Variants in PLPP4 observed in about 807,000 individuals in gnomAD.
PLPP4 encodes phospholipid phosphatase 4.
A neutral mutation model predicts 32.2 loss-of-function variants in PLPP4; 20 were observed. That is an observed-to-expected ratio of 0.62 (90% CI 0.44 to 0.90). The LOEUF is 0.90. PLPP4 is among the 40% of genes least tolerant of loss of function. The probability of loss-of-function intolerance (pLI) is 0.00; values close to 1 mark genes in which losing one functional copy is unlikely to be tolerated. For synonymous variants in PLPP4, 127 were observed against 133.0 expected (o/e 0.95, Z 0.31); for missense variants, 257 against 353.1 (o/e 0.73, Z 2.18).
chr10:120,488,690 A>C (rs1844571974), intron 1 of PLPP4, among the ~76,000 whole-genome samples: 1 of 152,150 alleles, frequency 6.6e-6, no homozygotes, highest in Admixed American at 6.5e-5. Context: ...ATCCCACACT[A>C]CTTGGGCAGG....
chr10:120,558,122 T>TA (rs1848243719), intron 5 of PLPP4, among the ~76,000 whole-genome samples: 1 of 151,688 alleles, frequency 6.6e-6, no homozygotes. Flanking sequence ...TTAGAAATCC[T>TA]ACATTACCCT....
At chr10:120,571,733 C>T (rs1848950085) in intron 5 of PLPP4, among the ~76,000 whole-genome samples, 1 of 152,076 alleles carries the variant, frequency 6.6e-6, no homozygotes, top group Non-Finnish European at 1.5e-5. Flanking sequence ...TGAAATCATA[C>T]TAATTCAGTA....
intron 1 of PLPP4, among the ~76,000 whole-genome samples, chr10:120,499,712 A>G (rs1180444681): frequency 1.3e-5 from 2 of 152,112 alleles, no homozygotes; most frequent in Non-Finnish European, 2.9e-5. Flanking sequence ...CTGTCTCTGT[A>G]TCTGCAGTCA....
At chr10:120,529,263 G>A (rs1378277177) in intron 5 of PLPP4, among the ~76,000 whole-genome samples, 1 of 152,080 alleles carries the variant, frequency 6.6e-6, no homozygotes, top group Non-Finnish European at 1.5e-5. Flanking sequence ...GGATGCTGCT[G>A]AATATCCTGC....
intron 6 of PLPP4, among the ~76,000 whole-genome samples, chr10:120,577,674 C>T (rs1849282798): frequency 1.3e-5 from 2 of 152,222 alleles, no homozygotes; most frequent in Non-Finnish European, 2.9e-5. Context: ...ACAAAAACTG[C>T]GTCATGGTAG....
chr10:120,463,679 T>C (rs1848179536), intron 1 of PLPP4, among the ~76,000 whole-genome samples: 1 of 152,128 alleles, frequency 6.6e-6, no homozygotes, highest in East Asian at 1.9e-4. Flanking sequence ...AGGGCTTAAA[T>C]CCTATTTTGT....
At chr10:120,483,976 C>A (rs1844328727) in intron 1 of PLPP4, among the ~76,000 whole-genome samples, 1 of 152,172 alleles carries the variant, frequency 6.6e-6, no homozygotes, top group Non-Finnish European at 1.5e-5. Context: ...TCTATAGCAA[C>A]ACAAAATGGA....
intron 5 of PLPP4, among the ~76,000 whole-genome samples, chr10:120,538,284 T>C (rs1847157882): frequency 6.6e-6 from 1 of 151,064 alleles, no homozygotes; most frequent in South Asian, 2.1e-4. Flanking sequence ...GCAAACTCAT[T>C]TGAACATTAG....
rs113034604 is a variant in PLPP4 at position 120,590,666 on chromosome 10, G to A, written c.*1164G>A. ...CCAGCTAGTTTTTTCAAGGCAAGGA[G>A]CATCCCCTTCATCCAATTCTGATTG... is the stretch of plus-strand genomic sequence containing the variant. On this transcript the variant is annotated 3_prime_UTR_variant, in exon 7 of 7. Coordinates refer to ENST00000398250, the MANE Select transcript of PLPP4 (RefSeq NM_001030059.3). Among the ~76,000 whole-genome samples, 31 of 152,192 alleles carry A rather than the reference G, an allele frequency of 2.0e-4. No individual in the cohort carries two copies. The highest frequency in any genetic ancestry group is 7.2e-4 in the African/African-American group (30 of 41,522).
chr10:120,575,347 C>T, intron 6 of PLPP4, 46 bp downstream of exon 6: 1 of 1,583,428 alleles, frequency 6.3e-7, no homozygotes, highest in Non-Finnish European at 8.6e-7. Context: ...GTGGTTGCCC[C>T]TCTCCTCCAG....
At chr10:120,511,739 A>G (rs1220583241) in intron 2 of PLPP4, among the ~76,000 whole-genome samples, 2 of 152,244 alleles carry the variant, frequency 1.3e-5, no homozygotes, top group East Asian at 1.9e-4. Context: ...TGCATGAGAC[A>G]AAAGTCTAAG....
chr10:120,519,464 C>T (rs1846064687), intron 4 of PLPP4, among the ~76,000 whole-genome samples: 1 of 151,442 alleles, frequency 6.6e-6, no homozygotes, highest in South Asian at 2.1e-4. Flanking sequence ...CACTAGATCC[C>T]CTCTCAGAAC....
At chr10:120,475,300 T>C (rs2133803275) in intron 1 of PLPP4, among the ~76,000 whole-genome samples, 1 of 152,212 alleles carries the variant, frequency 6.6e-6, no homozygotes, top group African/African-American at 2.4e-5. Context: ...CAGAGCCTCC[T>C]TGTTGCTCAG....
At chr10:120,500,049 G>A (rs1845167797) in intron 1 of PLPP4, among the ~76,000 whole-genome samples, 1 of 152,226 alleles carries the variant, frequency 6.6e-6, no homozygotes, top group African/African-American at 2.4e-5. Flanking sequence ...ACAGACGCCA[G>A]TGGCTGGAGC....
Position 120,588,203 on chromosome 10 carries a change from A to G in PLPP4, c.617-1100A>G, listed in dbSNP as rs142241167. On this transcript the variant is annotated intron_variant, in intron 6 of 6. Transcript: ENST00000398250. ...AGAATCTTTTCAGCAAAAATAACCC[A>G]TAGACAGTTAAAGTGAACACACACA... Among the ~76,000 whole-genome samples the G allele has an allele frequency of 1.4e-3, 219 of 152,380 alleles. 1 individual carries two copies. Among genetic ancestry groups the G allele is most frequent in the Non-Finnish European group, 2.4e-3 (165 of 68,042 alleles).
intron 1 of PLPP4, among the ~76,000 whole-genome samples, chr10:120,483,388 C>T (rs969692595): frequency 6.6e-6 from 1 of 152,166 alleles, no homozygotes; most frequent in Non-Finnish European, 1.5e-5. Context: ...CCTATTAGTT[C>T]TGTTCCTCTA....
chr10:120,511,366 T>G (rs1845720765), intron 2 of PLPP4, among the ~76,000 whole-genome samples: 1 of 152,202 alleles, frequency 6.6e-6, no homozygotes, highest in Non-Finnish European at 1.5e-5. Context: ...GGAATTTCCT[T>G]TGGAAGCCTC....
chr10:120,509,299 G>C (rs551696285), intron 2 of PLPP4, among the ~76,000 whole-genome samples: 89 of 152,272 alleles, frequency 5.8e-4, no homozygotes, highest in African/African-American at 2.0e-3. Context: ...TACATGATTT[G>C]CTCAAGGACA....
intron 5 of PLPP4, among the ~76,000 whole-genome samples, chr10:120,540,049 T>C (rs1039141739): frequency 1.3e-4 from 20 of 152,086 alleles, no homozygotes; most frequent in Admixed American, 3.9e-4. Context: ...TATGGTCTTT[T>C]GGTCAAATCT....
Sources: allele counts gnomAD v4.1 joint callset (sites outside exome capture counted in the v4.1 genomes callset), GRCh38; gene constraint gnomAD v4.1.1; transcripts MANE v1.5; gene names NCBI Gene and HGNC (gene_info 2026-07-23, HGNC 2026-07-21).